The following KCNH8 variants were observed in gnomAD, a reference collection of about 807,000 sequenced individuals.
KCNH8 encodes the protein voltage-gated delayed rectifier potassium channel KCNH8.
KCNH8 carries 70 observed loss-of-function variants against 103.6 expected under a neutral mutation model. The ratio of observed to expected loss-of-function variants is 0.68; its 90% CI spans 0.56 to 0.82. KCNH8 has a LOEUF of 0.82. KCNH8 is among the 40% of genes least tolerant of loss of function. KCNH8 has a pLI of 0.00. For missense variants in KCNH8, 1,217 were observed against 1,329.9 expected (o/e 0.92, Z 1.32); for synonymous variants, 498 against 489.4 (o/e 1.02, Z -0.23).
intron 11 of KCNH8, among the ~76,000 whole-genome samples, chr3:19,503,509 CAA>C (rs2068630546): frequency 6.6e-6 from 1 of 152,098 alleles, no homozygotes; most frequent in Non-Finnish European, 1.5e-5. Context: ...TCCACAATAG[CAA>C]AGACTTGGAA....
intron 7 of KCNH8, among the ~76,000 whole-genome samples, chr3:19,413,445 G>T (rs1038476755): frequency 6.6e-6 from 1 of 152,020 alleles, no homozygotes; most frequent in Non-Finnish European, 1.5e-5. Context: ...TGCTCACTAC[G>T]TGGGTGATGG....
At chr3:19,202,156 G>C (rs1413583483) in intron 1 of KCNH8, among the ~76,000 whole-genome samples, 1 of 152,112 alleles carries the variant, frequency 6.6e-6, no homozygotes, top group Non-Finnish European at 1.5e-5. Context: ...TTCATGAGGA[G>C]GGTAATCATA....
intron 7 of KCNH8, among the ~76,000 whole-genome samples, chr3:19,421,137 T>C (rs2066945509): frequency 6.6e-6 from 1 of 152,194 alleles, no homozygotes; most frequent in Non-Finnish European, 1.5e-5. Flanking sequence ...CTTTTTATTC[T>C]TTAGAAAGGA....
intron 9 of KCNH8, 175 bp from the exon 10 acceptor site, chr3:19,450,980 A>C (rs1159313361): frequency 7.8e-6 from 5 of 644,218 alleles, no homozygotes; most frequent in Non-Finnish European, 1.4e-5. Flanking sequence ...GTAGCACATA[A>C]TTCACAGTCA....
chr3:19,303,818 A>G (rs559499728), intron 3 of KCNH8, among the ~76,000 whole-genome samples: 2 of 152,272 alleles, frequency 1.3e-5, no homozygotes, highest in South Asian at 4.1e-4. Flanking sequence ...ATTGTAGGCA[A>G]GCTGACCTTA....
intron 5 of KCNH8, 68 bp downstream of exon 5, chr3:19,348,033 T>G: frequency 6.4e-7 from 1 of 1,561,574 alleles, no homozygotes; most frequent in Non-Finnish European, 8.7e-7. Flanking sequence ...CAGATTTTTC[T>G]GACATGAATT....
intron 5 of KCNH8, among the ~76,000 whole-genome samples, chr3:19,386,314 A>G (rs1252642047): frequency 6.6e-6 from 1 of 152,190 alleles, no homozygotes; most frequent in Non-Finnish European, 1.5e-5. Context: ...ACTCTGCAAA[A>G]TAATTGTCAT....
chr3:19,163,406 A>ATTATT (rs148327907), intron 1 of KCNH8, among the ~76,000 whole-genome samples: 2,242 of 151,706 alleles, frequency 0.015, 49 homozygotes, highest in African/African-American at 0.049. Flanking sequence ...AAAGAATTAT[A>ATTATT]TTATTATTTA....
chr3:19,361,282 AT>A (rs1407345936), intron 5 of KCNH8, among the ~76,000 whole-genome samples: 2 of 152,088 alleles, frequency 1.3e-5, no homozygotes, highest in Admixed American at 6.6e-5. Context: ...TTTCTTCATT[AT>A]TTAAAATAAA....
chr3:19,517,103 T>G (rs985331990), intron 14 of KCNH8, among the ~76,000 whole-genome samples: 3 of 151,950 alleles, frequency 2.0e-5, no homozygotes, highest in Non-Finnish European at 4.4e-5. Flanking sequence ...TGAGCCACCA[T>G]GCCTGGCCTA....
chr3:19,288,734 G>T (rs1404604478), intron 3 of KCNH8, among the ~76,000 whole-genome samples: 1 of 152,104 alleles, frequency 6.6e-6, no homozygotes, highest in Non-Finnish European at 1.5e-5. Flanking sequence ...ATAATCCTTT[G>T]GTTATATACC....
Position 19,534,007 on chromosome 3 carries a change from G to A in KCNH8, c.3232G>A (p.Ala1078Thr), listed in dbSNP as rs1559375766. The part of the protein sequence containing the change: ...LPGSWNQEGM[A>T]SASTKPLENL... ...AGGATCTTGGAACCAGGAAGGAATG[G>A]CATCAGCTTCTACAAAACCTTTGGA... Residue 1078 changes from alanine to threonine, a missense_variant, in exon 16 of 16, where the codon GCA becomes ACA. Physicochemically the swap from Ala to Thr is moderately conservative, Grantham distance 58. Coordinates refer to ENST00000328405, the MANE Select transcript of KCNH8 (RefSeq NM_144633.3). 6.2e-7 allele frequency: 1 copy of A among 1,614,150 alleles called. No homozygotes were observed. The highest frequency in any genetic ancestry group is 1.7e-5 in the Admixed American group (1 of 60,026).
chr3:19,491,888 T>C (rs1332819797), intron 11 of KCNH8, among the ~76,000 whole-genome samples: 1 of 152,244 alleles, frequency 6.6e-6, no homozygotes, highest in East Asian at 1.9e-4. Context: ...AAATGGTATC[T>C]CATTGTGATT....
intron 4 of KCNH8, among the ~76,000 whole-genome samples, chr3:19,346,963 C>T (rs2065737844): frequency 6.6e-6 from 1 of 152,062 alleles, no homozygotes; most frequent in Admixed American, 6.6e-5. Context: ...AAGTGAAGTG[C>T]TTTTGCAGTT....
chr3:19,511,277 G>A (rs189163974), intron 12 of KCNH8, among the ~76,000 whole-genome samples: 4 of 151,918 alleles, frequency 2.6e-5, no homozygotes, highest in East Asian at 1.9e-4. Flanking sequence ...TTGTAATGTC[G>A]GCTGCCCTGA....
At chr3:19,417,544 T>C (rs1007305969) in intron 7 of KCNH8, among the ~76,000 whole-genome samples, 1 of 152,092 alleles carries the variant, frequency 6.6e-6, no homozygotes, top group South Asian at 2.1e-4. Flanking sequence ...TCCCTTTATG[T>C]GGGAAAATCA....
chr3:19,472,594 A>G (rs898467871), intron 11 of KCNH8, among the ~76,000 whole-genome samples: 1 of 152,054 alleles, frequency 6.6e-6, no homozygotes, highest in Non-Finnish European at 1.5e-5. Context: ...GCCATGTGGG[A>G]CTGTAAGTCC....
rs535349088 is a variant in KCNH8 at position 19,327,102 on chromosome 3, A to G, written c.443-15485A>G. Among the ~76,000 whole-genome samples, 16 of 152,254 alleles carry G rather than the reference A, an allele frequency of 1.1e-4. 2 individuals carry two copies. In the South Asian group the frequency reaches 2.7e-3, roughly 26 times the overall value. Reference sequence around the variant, plus strand: ...AGACTTTACATAATGGTTGGATCTCAAGAGGGCACATATGGAAGCTGCGTA... The same window carrying G: ...AGACTTTACATAATGGTTGGATCTCGAGAGGGCACATATGGAAGCTGCGTA... On this transcript the variant is annotated intron_variant, in intron 3 of 15. Transcript: ENST00000328405.
At chr3:19,318,692 C>T (rs535252369) in intron 3 of KCNH8, among the ~76,000 whole-genome samples, 42 of 147,390 alleles carry the variant, frequency 2.8e-4, no homozygotes, top group Admixed American at 4.7e-4. Context: ...CACACATATA[C>T]GGTAGATCTA....
Sources: allele counts gnomAD v4.1 joint callset (sites outside exome capture counted in the v4.1 genomes callset), GRCh38; gene constraint gnomAD v4.1.1; transcripts MANE v1.5; gene names NCBI Gene and HGNC (gene_info 2026-07-23, HGNC 2026-07-21).